Variants in PTK2B observed in about 807,000 individuals in gnomAD.
PTK2B encodes protein tyrosine kinase 2 beta.
A neutral mutation model predicts 142.9 loss-of-function variants in PTK2B; 71 were observed. The ratio of observed to expected loss-of-function variants is 0.50; its 90% CI spans 0.41 to 0.61. The LOEUF is 0.61. PTK2B is among the 20% of genes least tolerant of loss of function. The pLI is 0.00. For missense variants in PTK2B, 1,105 were observed against 1,320.4 expected (o/e 0.84, Z 2.53); for synonymous variants, 519 against 503.4 (o/e 1.03, Z -0.42).
chr8:27,310,908 G>T, upstream of PTK2B: 6 of 1,612,898 alleles, frequency 3.7e-6, no homozygotes, highest in Non-Finnish European at 5.1e-6. Flanking sequence ...AGGCAGAAGA[G>T]GCTGAGCTGT....
upstream of PTK2B, chr8:27,311,198 C>A (rs771056447): frequency 3.1e-6 from 5 of 1,594,292 alleles, no homozygotes; most frequent in East Asian, 4.5e-5. Flanking sequence ...CTTGAAGGAG[C>A]GGGAAGGCCC....
rs374055084 is a variant in PTK2B at position 27,435,728 on chromosome 8, T to A, written c.1193-15T>A. 7.7e-5 allele frequency: 125 copies of A among 1,613,966 alleles called. No individual in the cohort carries two copies. Among genetic ancestry groups the A allele is most frequent in the Admixed American group, 8.3e-5 (5 of 60,008 alleles). ...GGCATCTTGTCCACGGCTGAGCCTC[T>A]TCCTGTTGTTCCAGAGTCAGACATC... On this transcript the variant is annotated splice_polypyrimidine_tract_variant and intron_variant, in intron 13 of 30. Transcript: ENST00000346049.
intron 1 of PTK2B, among the ~76,000 whole-genome samples, chr8:27,369,867 C>G (rs1212631202): frequency 6.6e-6 from 1 of 152,072 alleles, no homozygotes; most frequent in Admixed American, 6.5e-5. Flanking sequence ...ATCCCAGCTA[C>G]TCGGAAGGCT....
intron 1 of PTK2B, among the ~76,000 whole-genome samples, chr8:27,360,169 C>G (rs1199723723): frequency 1.3e-5 from 2 of 152,220 alleles, no homozygotes; most frequent in Non-Finnish European, 2.9e-5. Context: ...CCCATGTTCT[C>G]ACATTGGCAA....
intron 1 of PTK2B, among the ~76,000 whole-genome samples, chr8:27,387,553 G>A (rs948667102): frequency 6.6e-6 from 1 of 152,146 alleles, no homozygotes; most frequent in African/African-American, 2.4e-5. Flanking sequence ...ATGTGATAGG[G>A]CCTTGTTGAA....
At chr8:27,340,447 T>C (rs1278733276) in intron 1 of PTK2B, among the ~76,000 whole-genome samples, 1 of 152,160 alleles carries the variant, frequency 6.6e-6, no homozygotes, top group Non-Finnish European at 1.5e-5. Context: ...GCTGGGAACA[T>C]CTCAGGGTGT....
intron 1 of PTK2B, among the ~76,000 whole-genome samples, chr8:27,369,893 C>T (rs991247125): frequency 1.3e-5 from 2 of 152,128 alleles, no homozygotes; most frequent in African/African-American, 4.8e-5. Flanking sequence ...AGGAGAATAG[C>T]TTGAGCTCAG....
chr8:27,369,994 C>T (rs954065398), intron 1 of PTK2B, among the ~76,000 whole-genome samples: 4 of 152,076 alleles, frequency 2.6e-5, no homozygotes. Flanking sequence ...AAAGAAAGAA[C>T]TTAAGTCAGA....
intron 7 of PTK2B, 67 bp downstream of exon 7, chr8:27,430,485 C>A: frequency 6.3e-7 from 1 of 1,587,698 alleles, no homozygotes; most frequent in East Asian, 2.2e-5. Flanking sequence ...AGGGATGAGG[C>A]TGGGGCTGGG....
intron 1 of PTK2B, among the ~76,000 whole-genome samples, chr8:27,348,841 G>C (rs1461535113): frequency 1.3e-5 from 2 of 152,004 alleles, no homozygotes; most frequent in African/African-American, 4.8e-5. Flanking sequence ...ACGCAGCCCT[G>C]CCCTGTACCA....
At chr8:27,361,895 C>T (rs1805731885) in intron 1 of PTK2B, among the ~76,000 whole-genome samples, 1 of 152,174 alleles carries the variant, frequency 6.6e-6, no homozygotes, top group African/African-American at 2.4e-5. Flanking sequence ...CAGACAGCCT[C>T]CCTCAGGAAT....
rs150760494 is a variant in PTK2B at position 27,435,782 on chromosome 8, G to A, written c.1232G>A (p.Arg411Gln). The A allele has an allele frequency of 3.1e-5, 50 of 1,614,108 alleles. No homozygotes were observed. The highest frequency in any genetic ancestry group is 1.5e-4 in the Admixed American group (9 of 60,030). The part of the protein sequence containing the change: ...IYAEIPDETL[R>Q]RPGGPQYGIA... ...GCAGAGATTCCCGACGAAACCCTGC[G>A]AAGGCCCGGAGGTAGGTTCTCGACC... The change falls in exon 14 of 31, where the codon CGA becomes CAA. Residue 411 changes from arginine (R) to glutamine (Q), a missense_variant. Arg to Gln is a conservative substitution (Grantham distance 43). Coordinates refer to ENST00000346049, the MANE Select transcript of PTK2B (RefSeq NM_173176.3).
Position 27,458,584 on chromosome 8 carries a change from T to C in PTK2B, c.*75T>C, listed in dbSNP as rs1586379165. 1.5e-5 allele frequency: 22 copies of C among 1,474,928 alleles called. No homozygotes were observed. In the East Asian group the frequency reaches 4.9e-4, roughly 33 times the overall value. 91.4% of individuals were successfully genotyped at this position (1,474,928 alleles called of 1,614,324 possible). A position where few individuals can be genotyped will look rare whatever the true frequency, so the allele number is the denominator to read the frequency against. On this transcript the variant is annotated 3_prime_UTR_variant, in exon 31 of 31. Coordinates refer to ENST00000346049, the MANE Select transcript of PTK2B (RefSeq NM_173176.3). ...ACCTCCCCTGCCTTGCTGTTGGTCA[T>C]GTGGGTCTTCCAGGGGGAAGGCCAA...
At position 27,339,744 on chromosome 8, in the gene PTK2B, A is replaced by G. The variant is rs567937414; in HGVS notation, c.-38+14063A>G. ...AGTTGGGGATCAGGGGGTCAGGGAC[A>G]GTACACAGCAATGTGGACATACATG... On this transcript the variant is annotated intron_variant, in intron 1 of 30. Coordinates refer to ENST00000346049, the MANE Select transcript of PTK2B (RefSeq NM_173176.3). Among the ~76,000 whole-genome samples, 7 of 152,354 alleles carry G rather than the reference A, an allele frequency of 4.6e-5. No individual in the cohort carries two copies. The East Asian group carries it at 1.4e-3, about 29-fold the overall frequency.
Position 27,458,657 on chromosome 8 carries a change from C to T in PTK2B, c.*148C>T. ...CTTTGCACGACGCCCTCTCCCCACC[C>T]CTACCCCTGGCTGTACTGCTCAGGC... On this transcript the variant is annotated 3_prime_UTR_variant, in exon 31 of 31. Transcript: ENST00000346049. The T allele has an allele frequency of 1.3e-6, 1 of 772,106 alleles. No individual in the cohort carries two copies. Among genetic ancestry groups the T allele is most frequent in the Admixed American group, 2.3e-5 (1 of 43,350 alleles). The allele number at this position is 772,106 out of a possible 1,614,324, so 47.8% of individuals were successfully genotyped here. A position where few individuals can be genotyped will look rare whatever the true frequency, so the allele number is the denominator to read the frequency against.
chr8:27,431,795 G>A (rs992082180), intron 9 of PTK2B, among the ~76,000 whole-genome samples: 2 of 152,190 alleles, frequency 1.3e-5, no homozygotes, highest in Non-Finnish European at 2.9e-5. Context: ...GGAAGTCAGG[G>A]GACCTGGGTC....
At chr8:27,342,418 C>T (rs1804460128) in intron 1 of PTK2B, among the ~76,000 whole-genome samples, 1 of 152,154 alleles carries the variant, frequency 6.6e-6, no homozygotes, top group Admixed American at 6.5e-5. Context: ...TCCCGAGAAG[C>T]CACTGAGCCC....
intron 5 of PTK2B, among the ~76,000 whole-genome samples, chr8:27,428,051 C>T (rs1215589770): frequency 1.3e-5 from 2 of 152,154 alleles, no homozygotes; most frequent in African/African-American, 4.8e-5. Flanking sequence ...AAGCCCTAAG[C>T]TTGTTTTCCT....
At chr8:27,361,013 T>TA (rs1459935866) in intron 1 of PTK2B, among the ~76,000 whole-genome samples, 2 of 152,174 alleles carry the variant, frequency 1.3e-5, no homozygotes, top group Non-Finnish European at 2.9e-5. Flanking sequence ...GTGATTTTGT[T>TA]ACATGGGATA....
Sources: gnomAD v4.1 joint callset for allele counts (sites outside exome capture counted in the v4.1 genomes callset) on GRCh38, gnomAD v4.1.1 for gene constraint, MANE v1.5 for transcripts, NCBI Gene and HGNC (gene_info 2026-07-23, HGNC 2026-07-21) for gene names.